ADAM12: variants seen among roughly 807,000 people sequenced by gnomAD.
ADAM12 encodes ADAM metallopeptidase domain 12, also known as disintegrin and metalloproteinase domain-containing protein 12.
ADAM12 carries 70 observed loss-of-function variants against 106.4 expected under a neutral mutation model. The ratio of observed to expected loss-of-function variants is 0.66; its 90% confidence interval spans 0.54 to 0.80. The LOEUF is 0.80. Among genes scored for constraint, ADAM12 ranks in the 30% least tolerant of loss-of-function variants. ADAM12 has a pLI of 0.00. For missense variants in ADAM12, 1,010 were observed against 1,171.9 expected, an observed-to-expected ratio of 0.86 and a Z score of 2.02; for synonymous variants, 420 against 433.5, an observed-to-expected ratio of 0.97 and a Z score of 0.39.
At chr10:126,319,559 A>G (rs764225332) in intron 2 of ADAM12, among the ~76,000 whole-genome samples, 17 of 152,218 alleles carry the variant, frequency 1.1e-4, no homozygotes, top group Admixed American at 2.0e-4. Flanking sequence ...CATCAAGGAC[A>G]AGGAAGGCCC....
Position 126,036,326 on chromosome 10 carries a change from C to CTGTACAGTCAAAGTAAAAAG in ADAM12, c.2350-21_2350-2dup. The CTGTACAGTCAAAGTAAAAAG allele has an allele frequency of 6.4e-7, 1 of 1,567,794 alleles. No homozygotes were observed. Among genetic ancestry groups the CTGTACAGTCAAAGTAAAAAG allele is most frequent in the East Asian group, 2.4e-5 (1 of 41,208 alleles). On this transcript the variant is annotated splice_acceptor_variant, in intron 20 of 22. Transcript: ENST00000448723. LOFTEE classifies it high-confidence loss of function. ...ACTGCAGCAATCTCCTGGGATTGTC[C>CTGTACAGTCAAAGTAAAAAG]TGTACAGTCAAAGTAAAAAGCCATG...
chr10:126,384,312 C>T (rs1479157959), intron 1 of ADAM12, among the ~76,000 whole-genome samples: 2 of 152,066 alleles, frequency 1.3e-5, no homozygotes, highest in Admixed American at 6.5e-5. Context: ...TGAAAGCATC[C>T]CTGACATATT....
At chr10:126,335,852 T>G (rs1724744521) in intron 1 of ADAM12, among the ~76,000 whole-genome samples, 1 of 152,144 alleles carries the variant, frequency 6.6e-6, no homozygotes, top group Non-Finnish European at 1.5e-5. Context: ...ACAGTCCCAC[T>G]TCCATCTGTG....
chr10:126,312,031 C>T lies in ADAM12; in HGVS notation c.186+18381G>A, dbSNP rs183078986. The stretch of plus-strand genomic sequence containing the variant: ...AGTGGAGCATCTTGTGGGATGGAAC[C>T]CTTTGCCTGTGGGGTCGGTGCTAAC... On this transcript the variant is annotated intron_variant, in intron 2 of 22. Coordinates refer to ENST00000448723, the MANE Select transcript of ADAM12 (RefSeq NM_001288973.2). 2.1e-3 allele frequency among the ~76,000 whole-genome samples: 323 copies of T among 151,448 alleles called. 2 individuals carry two copies. The highest frequency in any genetic ancestry group is 7.5e-3 in the African/African-American group (310 of 41,242).
chr10:126,162,087 C>A (rs979329097), intron 3 of ADAM12, among the ~76,000 whole-genome samples: 1 of 152,126 alleles, frequency 6.6e-6, no homozygotes, highest in Non-Finnish European at 1.5e-5. Flanking sequence ...TAGCATGCTG[C>A]ACAATGGGAA....
chr10:126,184,373 C>T (rs2133790028), intron 3 of ADAM12, among the ~76,000 whole-genome samples: 1 of 152,288 alleles, frequency 6.6e-6, no homozygotes, highest in South Asian at 2.1e-4. Context: ...CAGCAGAAAG[C>T]CCCCAGCTCT....
At chr10:126,234,652 A>T (rs780882476) in intron 3 of ADAM12, among the ~76,000 whole-genome samples, 1 of 152,246 alleles carries the variant, frequency 6.6e-6, no homozygotes, top group Non-Finnish European at 1.5e-5. Context: ...GCATCCTGAC[A>T]GTGTCCACCT....
intron 3 of ADAM12, among the ~76,000 whole-genome samples, chr10:126,236,891 G>C (rs1469457990): frequency 6.6e-6 from 1 of 152,146 alleles, no homozygotes; most frequent in African/African-American, 2.4e-5. Context: ...GGGGTGACAG[G>C]AGCCATCCAC....
At chr10:126,160,888 G>T (rs1956920216) in intron 3 of ADAM12, among the ~76,000 whole-genome samples, 1 of 152,208 alleles carries the variant, frequency 6.6e-6, no homozygotes, top group South Asian at 2.1e-4. Context: ...CCCTCTGAGG[G>T]CCATTGCACC....
rs1229736748 is a variant in ADAM12 at position 126,339,871 on chromosome 10, T to TC, written c.89-9363_89-9362insG. Among the ~76,000 whole-genome samples the TC allele has an allele frequency of 2.0e-4, 27 of 137,056 alleles. 1 individual carries two copies. The South Asian group carries it at 5.9e-3, about 30-fold the overall frequency. 89.9% of individuals were successfully genotyped at this position (137,056 alleles called of 152,430 possible). ...GCTTTTTTTTTTTTTTTTTTTTTTT[T>TC]TGAGACAGAGTCTTGCTCTCTCACC... On this transcript the variant is annotated intron_variant, in intron 1 of 22. Coordinates refer to ENST00000448723, the MANE Select transcript of ADAM12 (RefSeq NM_001288973.2).
chr10:126,178,393 C>T lies in ADAM12; in HGVS notation c.261-23088G>A, dbSNP rs1957256296. 3.4e-5 allele frequency among the ~76,000 whole-genome samples: 5 copies of T among 146,640 alleles called. No homozygotes were observed. The South Asian group carries it at 1.1e-3, about 32-fold the overall frequency. On this transcript the variant is annotated intron_variant, in intron 3 of 22. Transcript: ENST00000448723. The stretch of plus-strand genomic sequence containing the variant: ...ATTTCCTTTTTGGCTTACCTTAGTC[C>T]TCATTGGAGGACATCTTTTTTTTTT...
At chr10:126,184,259 G>A (rs1459709) in intron 3 of ADAM12, among the ~76,000 whole-genome samples, 29,634 of 152,156 alleles carry the variant, frequency 0.19, 3,429 homozygotes, top group Middle Eastern at 0.27. Flanking sequence ...TTTCGGTGCC[G>A]TTACATTCGG....
rs534162668 is a variant in ADAM12 at position 126,100,949 on chromosome 10, C to T, written c.911+123G>A. 2.4e-3 allele frequency: 2,398 copies of T among 1,017,620 alleles called. 40 individuals carry two copies. In the South Asian group the frequency reaches 0.025, roughly 10 times the overall value. The allele number at this position is 1,017,620 out of a possible 1,614,324, so 63.0% of individuals were successfully genotyped here. On this transcript the variant is annotated intron_variant, in intron 9 of 22. Coordinates refer to ENST00000448723, the MANE Select transcript of ADAM12 (RefSeq NM_001288973.2). ...GCCCCCCTGGTGTGAGCTGAGAAGCCCCCTTGCACAAGGCAGTGTGCTCTG... is the reference window on the plus strand; with the variant it reads ...GCCCCCCTGGTGTGAGCTGAGAAGCTCCCTTGCACAAGGCAGTGTGCTCTG...
chr10:126,243,980 C>G (rs1958581604), intron 3 of ADAM12, among the ~76,000 whole-genome samples: 1 of 152,180 alleles, frequency 6.6e-6, no homozygotes. Context: ...GATGACATTG[C>G]ACCAACTGGA....
intron 2 of ADAM12, among the ~76,000 whole-genome samples, chr10:126,285,281 T>C (rs1029488816): frequency 6.6e-6 from 1 of 152,194 alleles, no homozygotes; most frequent in African/African-American, 2.4e-5. Context: ...CATGGCAAAG[T>C]TCAACAGCTT....
intron 3 of ADAM12, among the ~76,000 whole-genome samples, chr10:126,255,926 A>G: frequency 6.6e-6 from 1 of 152,184 alleles, no homozygotes; most frequent in Non-Finnish European, 1.5e-5. Flanking sequence ...CTTCGGCATC[A>G]GGAACGGTGC....
chr10:126,189,829 A>G (rs1957464571), intron 3 of ADAM12, among the ~76,000 whole-genome samples: 1 of 152,004 alleles, frequency 6.6e-6, no homozygotes, highest in African/African-American at 2.4e-5. Context: ...TGCAAGGCTG[A>G]GCCTCCTGCA....
intron 5 of ADAM12, among the ~76,000 whole-genome samples, chr10:126,120,948 T>C (rs1366219577): frequency 3.6e-5 from 5 of 137,046 alleles, no homozygotes; most frequent in East Asian, 2.1e-4. Flanking sequence ...ATTACATATG[T>C]AATATAATAT....
Position 126,017,168 on chromosome 10 carries a change from T to G in ADAM12, c.*111A>C. The stretch of plus-strand genomic sequence containing the variant: ...CAGTAGCTCAAAGTTCTTATAGTAA[T>G]GATGTTTTAAACATTAAAAAAAATC... On this transcript the variant is annotated 3_prime_UTR_variant, in exon 23 of 23. Transcript: ENST00000448723. 1 of 956,302 alleles carries G rather than the reference T, an allele frequency of 1.0e-6. No homozygotes were observed. 59.2% of individuals were successfully genotyped at this position (956,302 alleles called of 1,614,324 possible).
Sources: gnomAD v4.1 joint callset for allele counts (sites outside exome capture counted in the v4.1 genomes callset) on GRCh38, gnomAD v4.1.1 for gene constraint, MANE v1.5 for transcripts, NCBI Gene and HGNC (gene_info 2026-07-23, HGNC 2026-07-21) for gene names.